FRYL: variants seen among roughly 807,000 people sequenced by gnomAD.
The protein encoded by FRYL is FRY like transcription coactivator.
FRYL carries 150 observed loss-of-function variants against 351.2 expected under a neutral mutation model. The ratio of observed to expected loss-of-function variants is 0.43; its 90% CI spans 0.37 to 0.49. The LOEUF (loss-of-function observed/expected upper bound fraction) is 0.49, where lower values mean the gene tolerates loss of function less well. Among genes scored for constraint, FRYL ranks in the 20% least tolerant of loss-of-function variants. The pLI is 0.00. For missense variants in FRYL, 3,036 were observed against 3,619.3 expected, an observed-to-expected ratio of 0.84 and a Z score of 4.13; for synonymous variants, 1,153 against 1,257.1, an observed-to-expected ratio of 0.92 and a Z score of 1.75.
At chr4:48,694,276 T>A (rs1205594002) in intron 2 of FRYL, among the ~76,000 whole-genome samples, 1 of 152,192 alleles carries the variant, frequency 6.6e-6, no homozygotes, top group Non-Finnish European at 1.5e-5. Flanking sequence ...AAAAATACAT[T>A]TAAAAAAGTA....
chr4:48,740,659 C>CA (rs1330261906), intron 1 of FRYL, among the ~76,000 whole-genome samples: 2 of 152,002 alleles, frequency 1.3e-5, no homozygotes, highest in Non-Finnish European at 2.9e-5. Flanking sequence ...AACACACATG[C>CA]AAAGAGATGC....
rs774643055 is a variant in FRYL at position 48,522,996 on chromosome 4, G to C, written c.7426C>G (p.Pro2476Ala). 6.2e-7 allele frequency: 1 copy of C among 1,613,796 alleles called. No homozygotes were observed. Among genetic ancestry groups the C allele is most frequent in the South Asian group, 1.1e-5 (1 of 91,066 alleles). The change falls in exon 54 of 64, where the codon CCC (proline) becomes GCC (alanine). Residue 2476 changes from proline to alanine, a missense_variant. This residue lies in a region of FRYL where 1,987 missense variants were observed against 2,311.7 expected (regional missense o/e 0.86). Coordinates refer to ENST00000358350, the MANE Select transcript of FRYL (RefSeq NM_015030.2). Reference protein sequence around the residue: ...LQEYQCSSSTPSLNLTNQEDT... With the variant: ...LQEYQCSSSTASLNLTNQEDT... ...TCCTGATTGGTGAGGTTCAGGCTGGGGGTGCTACTAGAGCACTGGTACTCC... is the reference window on the plus strand; with the variant it reads ...TCCTGATTGGTGAGGTTCAGGCTGGCGGTGCTACTAGAGCACTGGTACTCC...
chr4:48,611,826 A>G (rs1396456709), intron 7 of FRYL, among the ~76,000 whole-genome samples: 3 of 152,182 alleles, frequency 2.0e-5, no homozygotes, highest in Admixed American at 6.5e-5. Context: ...CACTAATCAT[A>G]AGGAGAATGA....
chr4:48,613,375 C>A (rs1748647605), intron 7 of FRYL, among the ~76,000 whole-genome samples: 1 of 152,074 alleles, frequency 6.6e-6, no homozygotes, highest in Non-Finnish European at 1.5e-5. Context: ...TATCAGGTAC[C>A]AACTAGGAGT....
In FRYL at chr4:48,549,697, C is replaced by T; in HGVS notation, c.4634-74G>A. On this transcript the variant is annotated intron_variant, in intron 38 of 63. Transcript: ENST00000358350. The surrounding 1 kb of genome is among the most constrained non-coding windows in gnomAD (Gnocchi z 4.2). The stretch of plus-strand genomic sequence containing the variant: ...ATATAAGCAAACTCTAGTAAGATCC[C>T]AACTATTTATATAGTATTGGAAAGT... 8.0e-7 allele frequency: 1 copy of T among 1,245,762 alleles called. No individual in the cohort carries two copies. Among genetic ancestry groups the T allele is most frequent in the Non-Finnish European group, 1.1e-6 (1 of 878,622 alleles). 77.2% of individuals were successfully genotyped at this position (1,245,762 alleles called of 1,614,324 possible). A position where few individuals can be genotyped will look rare whatever the true frequency, so the allele number is the denominator to read the frequency against.
At chr4:48,612,424 G>A (rs1748395419) in intron 7 of FRYL, among the ~76,000 whole-genome samples, 1 of 152,028 alleles carries the variant, frequency 6.6e-6, no homozygotes, top group African/African-American at 2.4e-5. Context: ...TAATTCTTGT[G>A]TATCTACGGT....
At chr4:48,597,518 T>C (rs1420527646) in intron 13 of FRYL, among the ~76,000 whole-genome samples, 1 of 151,986 alleles carries the variant, frequency 6.6e-6, no homozygotes, top group Non-Finnish European at 1.5e-5. Context: ...GTAGGGAAAT[T>C]TACCCACAGG....
chr4:48,608,482 C>A (rs1578327818), intron 9 of FRYL, among the ~76,000 whole-genome samples: 1 of 152,080 alleles, frequency 6.6e-6, no homozygotes. Flanking sequence ...TGGTTCAGTG[C>A]AACTCAATGT....
chr4:48,581,341 C>G (rs1578211805), intron 21 of FRYL, 79 bp downstream of exon 21: 2 of 1,296,902 alleles, frequency 1.5e-6, no homozygotes, highest in East Asian at 4.8e-5. Context: ...AGTAACCTAC[C>G]TACATGGGAT....
At chr4:48,573,924 T>C (rs1738965584) in intron 25 of FRYL, among the ~76,000 whole-genome samples, 1 of 152,168 alleles carries the variant, frequency 6.6e-6, no homozygotes, top group Non-Finnish European at 1.5e-5. Context: ...GAACATAGGG[T>C]GGGGTACCAT....
At chr4:48,759,832 CCCT>C (rs1302318647) in intron 1 of FRYL, among the ~76,000 whole-genome samples, 1 of 152,144 alleles carries the variant, frequency 6.6e-6, no homozygotes, top group Non-Finnish European at 1.5e-5. Flanking sequence ...AGGCTAACCC[CCCT>C]ATTACAAGGT....
rs985451219 is a variant in FRYL at position 48,540,545 on chromosome 4, A to G, written c.6103T>C (p.Leu2035=). 8.1e-6 allele frequency: 13 copies of G among 1,613,678 alleles called. No individual in the cohort carries two copies. The highest frequency in any genetic ancestry group is 1.1e-5 in the Non-Finnish European group (13 of 1,179,744). The change falls in exon 46 of 64, where the codon TTG becomes CTG. Residue 2035 remains leucine (L), a synonymous_variant. Coordinates refer to ENST00000358350, the MANE Select transcript of FRYL (RefSeq NM_015030.2). Reference sequence around the variant, plus strand: ...TTCTCTCGACTCTCTGATTTATCCAAAGGCAAATGGATAAGCAGTTTGTTG... The same window carrying G: ...TTCTCTCGACTCTCTGATTTATCCAGAGGCAAATGGATAAGCAGTTTGTTG... ...LLNKLLIHLP[L]DKSESREKIE... is the part of the protein sequence containing the mutation.
At chr4:48,502,229 T>C (rs951452693) in intron 61 of FRYL, among the ~76,000 whole-genome samples, 4 of 152,136 alleles carry the variant, frequency 2.6e-5, no homozygotes, top group East Asian at 1.9e-4. Flanking sequence ...GGTAATCTCA[T>C]TGAAATGAAA....
rs749848323 is a variant in FRYL, at chr4:48,540,871, T to C, written c.5777A>G (p.Asn1926Ser). The C allele has an allele frequency of 9.3e-6, 15 of 1,613,972 alleles. No homozygotes were observed. In the South Asian group the frequency reaches 1.3e-4, roughly 14 times the overall value. Residue 1926 changes from asparagine to serine, a missense_variant, in exon 46 of 64, where the codon AAT becomes AGT. Transcript: ENST00000358350. ...GQLNLSTSPINSSSYLGYNSN... is the reference protein window; with the variant it reads ...GQLNLSTSPISSSSYLGYNSN... ...GTTATATCCCAAATAACTGCTACTA[T>C]TAATGGGACTTGTGCTTAGATTGAG...
At chr4:48,749,587 C>T (rs1773042480) in intron 1 of FRYL, among the ~76,000 whole-genome samples, 1 of 152,090 alleles carries the variant, frequency 6.6e-6, no homozygotes, top group Admixed American at 6.5e-5. Context: ...GATGGGGCTC[C>T]TAAGCCATGT....
chr4:48,714,999 A>C (rs919037529), intron 1 of FRYL, among the ~76,000 whole-genome samples: 22 of 152,088 alleles, frequency 1.4e-4, no homozygotes, highest in Admixed American at 1.3e-3. Flanking sequence ...ATCCAGCATA[A>C]AAACAGAACC....
At chr4:48,746,357 G>C (rs1331811566) in intron 1 of FRYL, among the ~76,000 whole-genome samples, 3 of 151,878 alleles carry the variant, frequency 2.0e-5, no homozygotes, top group South Asian at 4.1e-4. Flanking sequence ...ACGAGGTCAG[G>C]AGATCGAGAC....
intron 4 of FRYL, among the ~76,000 whole-genome samples, chr4:48,629,029 ATAT>A (rs1443639164): frequency 1.3e-5 from 2 of 149,226 alleles, no homozygotes; most frequent in Non-Finnish European, 3.0e-5. Context: ...TAATTATAAA[ATAT>A]TATAATACTT....
intron 5 of FRYL, among the ~76,000 whole-genome samples, chr4:48,621,025 T>A (rs530677314): frequency 6.3e-4 from 96 of 152,300 alleles, no homozygotes; most frequent in African/African-American, 2.1e-3. Flanking sequence ...CCTGCCTCCA[T>A]ATGCCACTCG....
Sources: allele counts gnomAD v4.1 joint callset (sites outside exome capture counted in the v4.1 genomes callset), GRCh38; gene constraint gnomAD v4.1.1; regional missense constraint gnomAD v4.1.1; non-coding constraint Gnocchi (gnomAD v3.1); transcripts MANE v1.5; gene names NCBI Gene and HGNC (gene_info 2026-07-23, HGNC 2026-07-21).